Variants in PCDH15 observed in about 807,000 individuals in gnomAD.
PCDH15 encodes protocadherin-15.
In PCDH15, 129 loss-of-function variants were observed where a neutral mutation model predicts 178.5. That is an observed-to-expected ratio of 0.72 (90% confidence interval 0.63 to 0.84). The LOEUF is 0.84. Ranked by LOEUF, PCDH15 falls within the 40% of genes least tolerant of loss-of-function variation. The probability of loss-of-function intolerance (pLI) is 0.00; values close to 1 mark genes in which losing one functional copy is unlikely to be tolerated. For synonymous variants in PCDH15, 800 were observed against 732.0 expected (o/e 1.09, Z -1.50); for missense variants, 2,230 against 2,099.9 (o/e 1.06, Z -1.21).
At chr10:54,332,933 G>A (rs905498473) in intron 6 of PCDH15, among the ~76,000 whole-genome samples, 8 of 151,822 alleles carry the variant, frequency 5.3e-5, no homozygotes, top group African/African-American at 1.9e-4. Flanking sequence ...CTTTTTATAT[G>A]TATGTATTTA....
chr10:53,805,437 T>C lies in PCDH15; in HGVS notation c.*1142A>G, dbSNP rs576408631. The stretch of plus-strand genomic sequence containing the variant: ...ACTTATGATGAAACACTGTGCTTTG[T>C]TCAATGGTAAAAAATCAAGACCATG... On this transcript the variant is annotated 3_prime_UTR_variant, in exon 38 of 38. Coordinates refer to ENST00000644397, the MANE Select transcript of PCDH15 (RefSeq NM_001384140.1). 55 of 152,206 alleles carry C rather than the reference T, an allele frequency of 3.6e-4. No individual in the cohort carries two copies. The highest frequency in any genetic ancestry group is 1.3e-3 in the African/African-American group (52 of 41,560). The allele number at this position is 152,206 out of a possible 1,614,324, so 9.4% of individuals were successfully genotyped here. A position where few individuals can be genotyped will look rare whatever the true frequency, so the allele number is the denominator to read the frequency against.
At chr10:54,587,241 C>T (rs1013092025) in intron 2 of PCDH15, among the ~76,000 whole-genome samples, 1 of 152,152 alleles carries the variant, frequency 6.6e-6, no homozygotes, top group African/African-American at 2.4e-5. Context: ...TATGTTGTCT[C>T]TGTTTCCCAT....
chr10:54,759,279 C>T (rs532315520), intron 1 of PCDH15, among the ~76,000 whole-genome samples: 3 of 152,202 alleles, frequency 2.0e-5, no homozygotes, highest in South Asian at 4.1e-4. Context: ...CCTAAATTTT[C>T]CTTTGTTCAG....
chr10:53,807,483 A>G, intron 37 of PCDH15, among the ~76,000 whole-genome samples: 1 of 152,172 alleles, frequency 6.6e-6, no homozygotes, highest in Admixed American at 6.6e-5. Flanking sequence ...ACTATTCAGG[A>G]AAGTTAAATT....
intron 21 of PCDH15, among the ~76,000 whole-genome samples, chr10:53,988,842 G>A (rs987743568): frequency 6.6e-6 from 1 of 152,122 alleles, no homozygotes; most frequent in East Asian, 1.9e-4. Context: ...CCCGAAATAT[G>A]TGAATTATTG....
intron 18 of PCDH15, among the ~76,000 whole-genome samples, chr10:54,064,594 C>T (rs1168864609): frequency 6.6e-6 from 1 of 152,182 alleles, no homozygotes; most frequent in African/African-American, 2.4e-5. Flanking sequence ...GAGCAGCCCT[C>T]TGTCCCCTCT....
At chr10:54,503,481 C>G (rs1007765570) in intron 3 of PCDH15, among the ~76,000 whole-genome samples, 3 of 149,488 alleles carry the variant, frequency 2.0e-5, no homozygotes, top group Non-Finnish European at 4.4e-5. Context: ...GATATTGCAG[C>G]CAGAAATAGG....
intron 2 of PCDH15, among the ~76,000 whole-genome samples, chr10:55,467,459 C>T (rs996725294): frequency 1.4e-5 from 2 of 146,494 alleles, no homozygotes; most frequent in Middle Eastern, 3.6e-3. Context: ...AAAATATCTA[C>T]AAAATGAATA....
chr10:55,133,681 T>C (rs1473027716), intron 2 of PCDH15, among the ~76,000 whole-genome samples: 1 of 152,156 alleles, frequency 6.6e-6, no homozygotes, highest in African/African-American at 2.4e-5. Flanking sequence ...ATGGATCTTC[T>C]TTCCCCAAAT....
intron 2 of PCDH15, among the ~76,000 whole-genome samples, chr10:54,989,554 C>T (rs949165617): frequency 2.0e-5 from 3 of 152,168 alleles, no homozygotes; most frequent in Non-Finnish European, 2.9e-5. Context: ...CATTTTTGAG[C>T]TTTAAGATTT....
At chr10:53,883,776 T>C (rs7098252) in intron 26 of PCDH15, among the ~76,000 whole-genome samples, 19,936 of 152,188 alleles carry the variant, frequency 0.13, 3,165 homozygotes, top group African/African-American at 0.37. Context: ...AGCGCAATGG[T>C]GTGATCTTGG....
upstream of PCDH15, among the ~76,000 whole-genome samples, chr10:55,323,443 C>T (rs958127323): frequency 5.9e-5 from 9 of 152,152 alleles, no homozygotes; most frequent in Non-Finnish European, 1.3e-4. Flanking sequence ...CCTATGAAAG[C>T]GGCCTGGAGG....
At chr10:54,470,799 C>A (rs2077864634) in intron 3 of PCDH15, among the ~76,000 whole-genome samples, 1 of 152,152 alleles carries the variant, frequency 6.6e-6, no homozygotes, top group Non-Finnish European at 1.5e-5. Flanking sequence ...TGTCACATCT[C>A]TGTTGAATTC....
chr10:54,450,851 A>G (rs923671178), intron 3 of PCDH15, among the ~76,000 whole-genome samples: 1 of 151,876 alleles, frequency 6.6e-6, no homozygotes, highest in Non-Finnish European at 1.5e-5. Context: ...TATTCAATAC[A>G]ATTAAAATAT....
At chr10:55,399,069 T>C (rs1327412749) in intron 2 of PCDH15, among the ~76,000 whole-genome samples, 1 of 152,140 alleles carries the variant, frequency 6.6e-6, no homozygotes, top group Non-Finnish European at 1.5e-5. Flanking sequence ...AAAAAATGAT[T>C]TTAATTTTAA....
chr10:54,498,775 A>G (rs2080365174), intron 3 of PCDH15, among the ~76,000 whole-genome samples: 1 of 152,184 alleles, frequency 6.6e-6, no homozygotes, highest in South Asian at 2.1e-4. Flanking sequence ...ACTGCTATAA[A>G]GAAATACCTG....
chr10:55,341,797 A>G (rs1565032317), intron 2 of PCDH15, among the ~76,000 whole-genome samples: 1 of 11,348 alleles, frequency 8.8e-5, no homozygotes, highest in Non-Finnish European at 1.7e-4. Context: ...ATATATATAT[A>G]TATATATATT....
At chr10:55,199,902 T>C (rs1840196946) in intron 1 of PCDH15, among the ~76,000 whole-genome samples, 1 of 152,130 alleles carries the variant, frequency 6.6e-6, no homozygotes, top group Non-Finnish European at 1.5e-5. Context: ...AATTAAGGTT[T>C]GGTAGCCTCC....
At chr10:53,961,685 T>G (rs2134299626) in intron 22 of PCDH15, 67 bp downstream of exon 22, 1 of 1,245,686 alleles carries the variant, frequency 8.0e-7, no homozygotes, top group Admixed American at 2.7e-5. Context: ...TGCTGTCATC[T>G]GTTAAGCCAA....
Sources: allele counts gnomAD v4.1 joint callset (sites outside exome capture counted in the v4.1 genomes callset), GRCh38; gene constraint gnomAD v4.1.1; transcripts MANE v1.5; gene names NCBI Gene and HGNC (gene_info 2026-07-23, HGNC 2026-07-21).